Variants in LOXL1 observed in about 807,000 individuals in gnomAD.
LOXL1 encodes lysyl oxidase homolog 1.
In LOXL1, 31 loss-of-function variants were observed where a neutral mutation model predicts 62.2. That is an observed-to-expected ratio of 0.50 (90% CI 0.37 to 0.67). The LOEUF is 0.67. LOXL1 is among the 30% of genes least tolerant of loss of function. The pLI, the probability that LOXL1 is intolerant of heterozygous loss-of-function variation, is 0.00. For missense variants in LOXL1, 775 were observed against 843.4 expected, an observed-to-expected ratio of 0.92 and a Z score of 1.00; for synonymous variants, 403 against 384.4, an observed-to-expected ratio of 1.05 and a Z score of -0.56.
chr15:73,926,983 A>T lies in LOXL1; in HGVS notation c.200A>T (p.Gln67Leu). The stretch of plus-strand genomic sequence containing the variant: ...TCAGAGTACGTGCCGGCCGGACCTC[A>T]GCGCTCCGAGAGTAGCTCCCGGGTG... ...SGSEYVPAGP[Q>L]RSESSSRVLL... Residue 67 changes from glutamine (Q) to leucine (L), a missense_variant, in exon 1 of 7, where the codon CAG (glutamine) becomes CTG (leucine). Physicochemically the swap from Gln to Leu is moderately radical, Grantham distance 113. Transcript: ENST00000261921. The T allele has an allele frequency of 6.7e-7, 1 of 1,500,790 alleles. No homozygotes were observed. The allele number at this position is 1,500,790 out of a possible 1,614,324, so 93.0% of individuals were successfully genotyped here. A position where few individuals can be genotyped will look rare whatever the true frequency, so the allele number is the denominator to read the frequency against.
intron 6 of LOXL1, among the ~76,000 whole-genome samples, chr15:73,950,227 G>A (rs2068774468): frequency 1.3e-5 from 2 of 151,380 alleles, no homozygotes; most frequent in Admixed American, 1.3e-4. Context: ...TTTGCAGAGG[G>A]ACCCCTTGCT....
chr15:73,946,387 C>G (rs767924995), intron 2 of LOXL1, 30 bp from the exon 3 acceptor site: 6 of 1,489,544 alleles, frequency 4.0e-6, no homozygotes, highest in Non-Finnish European at 5.6e-6. Flanking sequence ...GTGCCCCAAC[C>G]CCCCCTCATC....
At chr15:73,934,598 TATC>T (rs1221658136) in intron 1 of LOXL1, among the ~76,000 whole-genome samples, 1 of 152,208 alleles carries the variant, frequency 6.6e-6, no homozygotes, top group Non-Finnish European at 1.5e-5. Flanking sequence ...ATAGGGCAGA[TATC>T]ATCTCATGAG....
intron 3 of LOXL1, 145 bp downstream of exon 3, chr15:73,946,699 C>CTTTTCACTGGGGCAAGTG: frequency 1.0e-6 from 1 of 958,692 alleles, no homozygotes; most frequent in South Asian, 1.7e-5. Context: ...CCTGCCAACT[C>CTTTTCACTGGGGCAAGTG]TTTTCACTGG....
rs1303959400 is a variant in LOXL1 at position 73,926,870 on chromosome 15, G to A, written c.87G>A (p.Gln29=). The A allele has an allele frequency of 1.9e-6, 3 of 1,553,726 alleles. No individual in the cohort carries two copies. The highest frequency in any genetic ancestry group is 2.6e-6 in the Non-Finnish European group (3 of 1,149,156). ...LCVLVHGQQA[Q]PGQGSDPARW... ...TGCTGGTGCACGGGCAGCAGGCGCA[G>A]CCCGGGCAGGGCTCGGACCCCGCCC... is the stretch of plus-strand genomic sequence containing the variant. Residue 29 remains glutamine, a synonymous_variant, in exon 1 of 7, where the codon CAG becomes CAA. Transcript: ENST00000261921.
chr15:73,951,649 G>C (rs2068787964), intron 6 of LOXL1, among the ~76,000 whole-genome samples, 182 bp from the exon 7 acceptor site: 1 of 152,208 alleles, frequency 6.6e-6, no homozygotes, highest in African/African-American at 2.4e-5. Context: ...GTGGGTGGGA[G>C]TCCATCAAAC....
intron 1 of LOXL1, among the ~76,000 whole-genome samples, chr15:73,936,353 T>G (rs750948387): frequency 5.9e-5 from 9 of 152,172 alleles, no homozygotes; most frequent in Non-Finnish European, 1.0e-4. Flanking sequence ...TATGAGATAA[T>G]CATTTCCTAG....
At position 73,927,283 on chromosome 15, in the gene LOXL1, A is replaced by C. The variant is rs2068589297; in HGVS notation, c.500A>C (p.Tyr167Ser). 6.2e-7 allele frequency: 1 copy of C among 1,602,382 alleles called. No homozygotes were observed. The highest frequency in any genetic ancestry group is 1.4e-5 in the African/African-American group (1 of 73,864). The stretch of plus-strand genomic sequence containing the variant: ...TCGGCTTCGGCCTTCGCCAGCACCT[A>C]CCGCCAGCAGCCCTCCTACCCGCAG... The part of the protein sequence containing the change: ...SVSASAFAST[Y>S]RQQPSYPQQF... The change falls in exon 1 of 7, where the codon TAC becomes TCC. Residue 167 changes from tyrosine to serine, a missense_variant. Coordinates refer to ENST00000261921, the MANE Select transcript of LOXL1 (RefSeq NM_005576.4).
At chr15:73,929,433 G>A (rs1259837351) in intron 1 of LOXL1, among the ~76,000 whole-genome samples, 1 of 152,232 alleles carries the variant, frequency 6.6e-6, no homozygotes, top group African/African-American at 2.4e-5. Flanking sequence ...CCTCAGTGAG[G>A]GGCTGCTGCT....
chr15:73,949,752 G>A (rs558771824), intron 6 of LOXL1, among the ~76,000 whole-genome samples, 178 bp downstream of exon 6: 15 of 152,246 alleles, frequency 9.9e-5, no homozygotes, highest in African/African-American at 4.8e-5. Context: ...GAGTGTTTAC[G>A]GTGGGGCTCA....
In LOXL1 at chr15:73,927,773, C is replaced by G; in HGVS notation, c.990C>G (p.Pro330=). The change falls in exon 1 of 7, where the codon CCC becomes CCG. Residue 330 remains proline, a synonymous_variant. Transcript: ENST00000261921. The stretch of plus-strand genomic sequence containing the variant: ...GGCCGCCGCGCGCGCTGGAGCCGCC[C>G]TACCTGCCGGTGCGCAGCTCCGACA... The part of the protein sequence containing the change: ...AYGPPRALEP[P]YLPVRSSDTP... The G allele has an allele frequency of 7.0e-7, 1 of 1,434,874 alleles. No individual in the cohort carries two copies. The highest frequency in any genetic ancestry group is 9.1e-7 in the Non-Finnish European group (1 of 1,100,554). 88.9% of individuals were successfully genotyped at this position (1,434,874 alleles called of 1,614,324 possible).
chr15:73,929,541 G>A (rs898086940), intron 1 of LOXL1, among the ~76,000 whole-genome samples: 7 of 152,176 alleles, frequency 4.6e-5, no homozygotes, highest in African/African-American at 1.2e-4. Context: ...CCAAGGTGTC[G>A]CTTTTGAGTT....
intron 1 of LOXL1, among the ~76,000 whole-genome samples, chr15:73,937,450 G>T (rs4886785): frequency 6.6e-6 from 1 of 152,108 alleles, no homozygotes; most frequent in Non-Finnish European, 1.5e-5. Flanking sequence ...GTATTCCCTC[G>T]CACGCAGCTC....
At chr15:73,937,365 G>A (rs2068681452) in intron 1 of LOXL1, among the ~76,000 whole-genome samples, 1 of 152,232 alleles carries the variant, frequency 6.6e-6, no homozygotes. Flanking sequence ...AGGTTTGAAG[G>A]GCATGCTATA....
rs1260982578 is a variant in LOXL1, at chr15:73,926,840, G to A, written c.57G>A (p.Leu19=). The change falls in exon 1 of 7, where the codon CTG becomes CTA. Residue 19 remains leucine, a synonymous_variant. Coordinates refer to ENST00000261921, the MANE Select transcript of LOXL1 (RefSeq NM_005576.4). ...QLGALVWGAC[L]CVLVHGQQAQ... ...GGGCCCTGGTGTGGGGCGCCTGCCTGTGCGTGCTGGTGCACGGGCAGCAGG... is the reference window on the plus strand; with the variant it reads ...GGGCCCTGGTGTGGGGCGCCTGCCTATGCGTGCTGGTGCACGGGCAGCAGG... The A allele has an allele frequency of 1.3e-6, 2 of 1,538,534 alleles. No individual in the cohort carries two copies. The highest frequency in any genetic ancestry group is 1.8e-6 in the Non-Finnish European group (2 of 1,141,108).
chr15:73,946,401 C>CCCCCCCTCCCTG lies in LOXL1; in HGVS notation c.1212-14_1212-13insCCCCTCCCTGCC. The CCCCCCCTCCCTG allele has an allele frequency of 6.2e-7, 1 of 1,601,862 alleles. No homozygotes were observed. The highest frequency in any genetic ancestry group is 1.1e-5 in the South Asian group (1 of 90,302). On this transcript the variant is annotated splice_polypyrimidine_tract_variant and intron_variant, in intron 2 of 6. Coordinates refer to ENST00000261921, the MANE Select transcript of LOXL1 (RefSeq NM_005576.4). ...TGTGCCCCAACCCCCCCTCATCTCC[C>CCCCCCCTCCCTG]CCGCCGTCCCTGCAGCACAGCCTAT...
Position 73,947,170 on chromosome 15 carries a change from A to G in LOXL1, c.1453A>G (p.Ser485Gly). The change falls in exon 4 of 7, where the codon AGC (serine) becomes GGC (glycine). Residue 485 changes from serine to glycine, a missense_variant. Coordinates refer to ENST00000261921, the MANE Select transcript of LOXL1 (RefSeq NM_005576.4). Reference protein sequence around the residue: ...GHKASFCLEDSTCDFGNLKRY... With the variant: ...GHKASFCLEDGTCDFGNLKRY... Reference sequence around the variant, plus strand: ...CAAGGCCAGTTTCTGCCTGGAGGACAGCACCTGTGACTTCGGCAACCTCAA... The same window carrying G: ...CAAGGCCAGTTTCTGCCTGGAGGACGGCACCTGTGACTTCGGCAACCTCAA... 6.2e-7 allele frequency: 1 copy of G among 1,613,550 alleles called. No individual in the cohort carries two copies. Among genetic ancestry groups the G allele is most frequent in the South Asian group, 1.1e-5 (1 of 91,036 alleles).
At position 73,945,169 on chromosome 15, in the gene LOXL1, C is replaced by T. The variant is rs1381261806; in HGVS notation, c.1212-1248C>T. Among the ~76,000 whole-genome samples, 1 of 152,204 alleles carries T rather than the reference C, an allele frequency of 6.6e-6. No homozygotes were observed. The highest frequency in any genetic ancestry group is 2.4e-5 in the African/African-American group (1 of 41,454). On this transcript the variant is annotated intron_variant, in intron 2 of 6. Transcript: ENST00000261921. This position sits in a 1 kb window ranked among gnomAD's most constrained non-coding sequence, Gnocchi z 4.3. ...CACCCTTTTCCTTTTGTCACAAGGC[C>T]TACCTCAGTTGGAAATCTGGAGTCA...
In LOXL1 at chr15:73,942,858, C is replaced by T. The variant is rs2068724391; in HGVS notation, c.1107C>T (p.Leu369=). ...VYRPNQNGRG[L]PDLVPDPNYV... Reference sequence around the variant, plus strand: ...CTCTCCCACTGCCCACTCCAGGTCTCCCTGACTTGGTCCCAGACCCCAACT... The same window carrying T: ...CTCTCCCACTGCCCACTCCAGGTCTTCCTGACTTGGTCCCAGACCCCAACT... The change falls in exon 2 of 7, where the codon CTC becomes CTT. Residue 369 remains leucine (L), a synonymous_variant. Transcript: ENST00000261921. 3 of 1,610,184 alleles carry T rather than the reference C, an allele frequency of 1.9e-6. No homozygotes were observed. The highest frequency in any genetic ancestry group is 1.3e-5 in the African/African-American group (1 of 74,832).
Sources: allele counts gnomAD v4.1 joint callset (sites outside exome capture counted in the v4.1 genomes callset), GRCh38; gene constraint gnomAD v4.1.1; non-coding constraint Gnocchi (gnomAD v3.1); transcripts MANE v1.5; gene names NCBI Gene and HGNC (gene_info 2026-07-23, HGNC 2026-07-21).